SORCS1: variants seen among roughly 807,000 people sequenced by gnomAD.
The protein encoded by SORCS1 is sortilin related VPS10 domain containing receptor 1, also known as VPS10 domain-containing receptor SorCS1.
Under a neutral mutation model 146.1 loss-of-function variants are expected in SORCS1, and 60 were observed. The ratio of observed to expected loss-of-function variants is 0.41; its 90% confidence interval spans 0.33 to 0.51. The LOEUF (loss-of-function observed/expected upper bound fraction) is 0.51, where lower values mean the gene tolerates loss of function less well. SORCS1 is among the 20% of genes least tolerant of loss of function. The probability of loss-of-function intolerance (pLI) is 0.21; values close to 1 mark genes in which losing one functional copy is unlikely to be tolerated. For synonymous variants in SORCS1, 637 were observed against 584.0 expected, an observed-to-expected ratio of 1.09 and a Z score of -1.31; for missense variants, 1,352 against 1,487.6, an observed-to-expected ratio of 0.91 and a Z score of 1.50.
rs539809108 is a variant in SORCS1 at position 106,892,265 on chromosome 10, T to C, written c.627-62592A>G. Among the ~76,000 whole-genome samples the C allele has an allele frequency of 6.4e-4, 97 of 152,360 alleles. 3 individuals are homozygous for C. The highest frequency in any genetic ancestry group is 2.6e-4 in the Non-Finnish European group (18 of 68,040). ...AGTTAAACAACGGTTCAAATAGGATTGCAACTGCAATCCACTTGTCTTATT... is the reference window on the plus strand; with the variant it reads ...AGTTAAACAACGGTTCAAATAGGATCGCAACTGCAATCCACTTGTCTTATT... On this transcript the variant is annotated intron_variant, in intron 2 of 25. Coordinates refer to ENST00000263054, the MANE Select transcript of SORCS1 (RefSeq NM_052918.5).
rs71475431 is a variant in SORCS1 at position 106,951,744 on chromosome 10, G to A, written c.626+4769C>T. The stretch of plus-strand genomic sequence containing the variant: ...CTCTGTTTAAAAACACAGTTACTGA[G>A]CACTAGCTATATGCTAAGTCTTGTA... On this transcript the variant is annotated intron_variant, in intron 2 of 25. Coordinates refer to ENST00000263054, the MANE Select transcript of SORCS1 (RefSeq NM_052918.5). Among the ~76,000 whole-genome samples the A allele has an allele frequency of 8.8e-3, 1,345 of 152,260 alleles. 8 individuals carry two copies. The highest frequency in any genetic ancestry group is 0.011 in the Admixed American group (162 of 15,292).
chr10:106,850,180 C>G (rs1163032265), intron 2 of SORCS1, among the ~76,000 whole-genome samples: 3 of 151,832 alleles, frequency 2.0e-5, no homozygotes, highest in Admixed American at 2.0e-4. Context: ...CGCCCCTCCC[C>G]CAGCCTCGCT....
intron 4 of SORCS1, among the ~76,000 whole-genome samples, chr10:106,772,235 T>C (rs1457502563): frequency 1.3e-5 from 2 of 152,148 alleles, no homozygotes; most frequent in East Asian, 3.9e-4. Context: ...GGGATATCCA[T>C]CTGTCTCCCC....
chr10:106,979,232 G>T (rs980339137), intron 1 of SORCS1, among the ~76,000 whole-genome samples: 3 of 151,964 alleles, frequency 2.0e-5, no homozygotes, highest in African/African-American at 7.3e-5. Context: ...GAGCATAAAG[G>T]CACCTTTGAC....
chr10:106,787,034 T>C (rs1236902056), intron 3 of SORCS1, among the ~76,000 whole-genome samples: 7 of 152,176 alleles, frequency 4.6e-5, no homozygotes, highest in Non-Finnish European at 8.8e-5. Context: ...ATTTTCAGGG[T>C]ACATAAATTA....
intron 1 of SORCS1, among the ~76,000 whole-genome samples, chr10:107,056,700 ATAAGT>A (rs1449845474): frequency 1.3e-5 from 2 of 152,252 alleles, no homozygotes; most frequent in African/African-American, 2.4e-5. Context: ...AAATGGGGAG[ATAAGT>A]TAATTCAATT....
intron 3 of SORCS1, among the ~76,000 whole-genome samples, chr10:106,806,059 C>CA (rs368242771): frequency 0.088 from 8,814 of 99,906 alleles, 816 homozygotes; most frequent in African/African-American, 0.17. Context: ...GACTCCGTCT[C>CA]AAAAAAAAAA....
intron 1 of SORCS1, among the ~76,000 whole-genome samples, chr10:107,075,870 A>C (rs1410254888): frequency 6.6e-6 from 1 of 152,002 alleles, no homozygotes; most frequent in Non-Finnish European, 1.5e-5. Flanking sequence ...TTCCATTTTC[A>C]GGCAACGATT....
At chr10:107,025,524 CATG>C (rs1341948949) in intron 1 of SORCS1, among the ~76,000 whole-genome samples, 1 of 152,154 alleles carries the variant, frequency 6.6e-6, no homozygotes, top group Non-Finnish European at 1.5e-5. Context: ...GCTATTGTTT[CATG>C]ATGTTTAGTG....
intron 1 of SORCS1, among the ~76,000 whole-genome samples, chr10:106,987,951 A>G (rs987042542): frequency 2.6e-5 from 4 of 152,188 alleles, no homozygotes; most frequent in Non-Finnish European, 5.9e-5. Context: ...CTCAGGGCCA[A>G]CTTTAACAAA....
At chr10:106,593,283 C>CT (rs201408149) in intron 24 of SORCS1, among the ~76,000 whole-genome samples, 3 of 151,578 alleles carry the variant, frequency 2.0e-5, no homozygotes, top group Admixed American at 1.3e-4. Flanking sequence ...TATTTTTTTT[C>CT]TTTTTTTCTT....
At chr10:107,144,558 G>T (rs2134748075) in intron 1 of SORCS1, among the ~76,000 whole-genome samples, 1 of 152,308 alleles carries the variant, frequency 6.6e-6, no homozygotes, top group African/African-American at 2.4e-5. Context: ...TATCCCTGTG[G>T]AACACCACCT....
chr10:107,144,411 C>A (rs1380082197), intron 1 of SORCS1, among the ~76,000 whole-genome samples: 1 of 152,200 alleles, frequency 6.6e-6, no homozygotes, highest in African/African-American at 2.4e-5. Context: ...CTGTTGGGCA[C>A]ATGCATCCAT....
intron 2 of SORCS1, among the ~76,000 whole-genome samples, chr10:106,887,084 G>C (rs550108760): frequency 6.6e-6 from 1 of 152,226 alleles, no homozygotes; most frequent in South Asian, 2.1e-4. Flanking sequence ...CACCAACAGA[G>C]TACCAGTGAA....
intron 23 of SORCS1, among the ~76,000 whole-genome samples, chr10:106,597,992 T>A (rs1846007094): frequency 6.6e-6 from 1 of 152,072 alleles, no homozygotes. Context: ...ATAAATATTA[T>A]CTAAACTGTT....
rs1490766205 is a variant in SORCS1 at position 106,738,963 on chromosome 10, C to T, written c.960-8849G>A. On this transcript the variant is annotated intron_variant, in intron 5 of 25. Coordinates refer to ENST00000263054, the MANE Select transcript of SORCS1 (RefSeq NM_052918.5). ...TTGGCCTCCCAAAGTTCTGAGATGA[C>T]AGGCGTGAGCCGCTGTGGCCAGCCA... Among the ~76,000 whole-genome samples, 7 of 152,288 alleles carry T rather than the reference C, an allele frequency of 4.6e-5. No homozygotes were observed. In the East Asian group the frequency reaches 1.2e-3, roughly 25 times the overall value.
intron 1 of SORCS1, among the ~76,000 whole-genome samples, chr10:107,153,852 T>G (rs1399650259): frequency 6.6e-6 from 1 of 152,176 alleles, no homozygotes; most frequent in Non-Finnish European, 1.5e-5. Flanking sequence ...CAAGAAACCT[T>G]GCATAGAATC....
intron 18 of SORCS1, among the ~76,000 whole-genome samples, chr10:106,645,758 A>G (rs1191226439): frequency 6.6e-6 from 1 of 152,068 alleles, no homozygotes; most frequent in East Asian, 1.9e-4. Flanking sequence ...ACATAACAAA[A>G]TAATTTTATT....
At chr10:106,681,296 A>G (rs1281621177) in intron 10 of SORCS1, among the ~76,000 whole-genome samples, 2 of 152,338 alleles carry the variant, frequency 1.3e-5, no homozygotes, top group Admixed American at 6.5e-5. Context: ...ACTGCAGCCT[A>G]TCAGGCTCTC....
Sources: allele counts gnomAD v4.1 joint callset (sites outside exome capture counted in the v4.1 genomes callset), GRCh38; gene constraint gnomAD v4.1.1; transcripts MANE v1.5; gene names NCBI Gene and HGNC (gene_info 2026-07-23, HGNC 2026-07-21).